The following ACTR3C variants were observed in gnomAD, a reference collection of about 807,000 sequenced individuals.
The protein encoded by ACTR3C is actin related protein 3C, also known as actin-related protein 3C.
ACTR3C carries 18 observed loss-of-function variants against 26.3 expected under a neutral mutation model. The observed-to-expected ratio is 0.68, with a 90% CI of 0.47 to 1.01. ACTR3C has a LOEUF of 1.01. Ranked by LOEUF, ACTR3C falls within the 50% of genes least tolerant of loss-of-function variation. The pLI is 0.00. For synonymous variants in ACTR3C, 55 were observed against 94.5 expected (o/e 0.58, Z 2.42); for missense variants, 184 against 250.7 (o/e 0.73, Z 1.80).
chr7:150,177,981 A>G, the ACTR3C span, among the ~76,000 whole-genome samples: 1 of 150,876 alleles, frequency 6.6e-6, no homozygotes, highest in Non-Finnish European at 1.5e-5. Flanking sequence ...ATTACAAATT[A>G]CGTTTCTTAT....
chr7:150,126,280 C>T, the ACTR3C span, among the ~76,000 whole-genome samples: 16 of 152,266 alleles, frequency 1.1e-4, no homozygotes, highest in Admixed American at 5.2e-4. Context: ...TTTTCTGTTC[C>T]CCTCTTTCTC....
the ACTR3C span, chr7:150,002,535 C>G: frequency 6.6e-6 from 1 of 152,190 alleles, no homozygotes; most frequent in Admixed American, 6.5e-5. Context: ...GTCCCCTGAC[C>G]TTTCAATCAA....
chr7:150,232,390 C>G, the ACTR3C span, among the ~76,000 whole-genome samples: 1 of 151,892 alleles, frequency 6.6e-6, no homozygotes, highest in Non-Finnish European at 1.5e-5. Context: ...GGTTAATATC[C>G]ACCATATTTA....
At chr7:149,935,822 C>A in the ACTR3C span, among the ~76,000 whole-genome samples, 2 of 152,152 alleles carry the variant, frequency 1.3e-5, no homozygotes, top group African/African-American at 2.4e-5. Context: ...TATATAAAAC[C>A]TTTTCTATTT....
chr7:150,141,192 A>G, the ACTR3C span, among the ~76,000 whole-genome samples: 5 of 152,242 alleles, frequency 3.3e-5, no homozygotes, highest in African/African-American at 9.6e-5. Context: ...GCAAGTGCTG[A>G]TGGAGAAGCT....
the ACTR3C span, among the ~76,000 whole-genome samples, chr7:149,903,905 TTGTTGTTG>T: frequency 0.051 from 3,580 of 70,510 alleles, 205 homozygotes; most frequent in African/African-American, 0.11. Flanking sequence ...TTGTTGCTGG[TTGTTGTTG>T]TTGTTGTTGT....
the ACTR3C span, chr7:150,047,517 C>T: frequency 1.4e-5 from 3 of 215,252 alleles, no homozygotes; most frequent in Non-Finnish European, 2.3e-5. Flanking sequence ...GCGCCTGATT[C>T]CCCCCCCCAC....
the ACTR3C span, among the ~76,000 whole-genome samples, chr7:150,135,442 C>T: frequency 4.6e-5 from 7 of 152,044 alleles, no homozygotes; most frequent in Admixed American, 2.0e-4. Flanking sequence ...TAAGGAGGGA[C>T]CGGAATGGTT....
chr7:150,177,113 G>A, the ACTR3C span, among the ~76,000 whole-genome samples: 5 of 137,982 alleles, frequency 3.6e-5, 1 homozygote, highest in African/African-American at 1.0e-4. Flanking sequence ...AAGAGTAAAC[G>A]TATAGTCATA....
chr7:150,283,337 T>C (rs1043236821), intron 6 of ACTR3C, among the ~76,000 whole-genome samples: 2 of 150,210 alleles, frequency 1.3e-5, no homozygotes, highest in African/African-American at 5.1e-5. Context: ...AGTCTCTTTC[T>C]AGTTCCCCTT....
chr7:150,049,168 G>A, the ACTR3C span, among the ~76,000 whole-genome samples: 2 of 152,002 alleles, frequency 1.3e-5, no homozygotes, highest in Admixed American at 6.6e-5. Flanking sequence ...CGCACCAGCG[G>A]GCTCCGCTCC....
the ACTR3C span, among the ~76,000 whole-genome samples, chr7:150,237,378 T>G: frequency 2.0e-5 from 3 of 152,082 alleles, no homozygotes; most frequent in East Asian, 3.9e-4. Context: ...TTCATGGAAT[T>G]TTTGTCCCCA....
the ACTR3C span, among the ~76,000 whole-genome samples, chr7:149,921,408 C>T: frequency 1.2e-3 from 186 of 152,256 alleles, no homozygotes; most frequent in African/African-American, 4.2e-3. Flanking sequence ...CATGTAACCT[C>T]CAACATGCTT....
intron 4 of ACTR3C, among the ~76,000 whole-genome samples, chr7:150,287,360 A>ATGCTGCTGCTGC (rs147061695): frequency 6.6e-6 from 1 of 152,064 alleles, no homozygotes; most frequent in Non-Finnish European, 1.5e-5. Flanking sequence ...AGCCGCCAGG[A>ATGCTGCTGCTGC]TGCTGCTGCT....
At chr7:150,092,719 C>T in the ACTR3C span, among the ~76,000 whole-genome samples, 2 of 150,536 alleles carry the variant, frequency 1.3e-5, no homozygotes, top group East Asian at 1.9e-4. Flanking sequence ...CTGAGCCTCA[C>T]GGCATGTTAT....
the ACTR3C span, among the ~76,000 whole-genome samples, chr7:150,023,179 ATCTC>A: frequency 1.3e-4 from 18 of 135,578 alleles, no homozygotes; most frequent in South Asian, 3.3e-3. Flanking sequence ...ATATATAGAT[ATCTC>A]TCTATATAGA....
intron 6 of ACTR3C, among the ~76,000 whole-genome samples, chr7:150,282,391 TCTAA>T (rs1202690797): frequency 6.6e-6 from 1 of 152,050 alleles, no homozygotes; most frequent in Admixed American, 6.5e-5. Flanking sequence ...TCTGGTCTAC[TCTAA>T]CTTAGGTGGC....
the ACTR3C span, among the ~76,000 whole-genome samples, chr7:150,170,425 C>T: frequency 7.7e-6 from 1 of 130,394 alleles, no homozygotes; most frequent in Non-Finnish European, 1.7e-5. Flanking sequence ...GGGTATTTTA[C>T]CCTCCTGGAA....
the ACTR3C span, among the ~76,000 whole-genome samples, chr7:149,929,346 T>A: frequency 7.3e-6 from 1 of 137,768 alleles, no homozygotes. Context: ...GAGAATTCCT[T>A]GAACCTGGGA....
Sources: allele counts gnomAD v4.1 joint callset (sites outside exome capture counted in the v4.1 genomes callset), GRCh38; gene constraint gnomAD v4.1.1; transcripts MANE v1.5; gene names NCBI Gene and HGNC (gene_info 2026-07-23, HGNC 2026-07-21).